The following FAM117B variants were observed in gnomAD, a reference collection of about 807,000 sequenced individuals.
FAM117B encodes protein FAM117B.
A neutral mutation model predicts 52.8 loss-of-function variants in FAM117B; 22 were observed. The observed-to-expected ratio is 0.42, with a 90% CI of 0.30 to 0.59. The LOEUF is 0.59. FAM117B is among the 20% of genes least tolerant of loss of function. FAM117B has a pLI of 0.22. For synonymous variants in FAM117B, 309 were observed against 324.1 expected (o/e 0.95, Z 0.50); for missense variants, 678 against 802.6 (o/e 0.84, Z 1.88).
intron 2 of FAM117B, among the ~76,000 whole-genome samples, chr2:202,708,097 A>T (rs766230521): frequency 2.0e-5 from 3 of 152,080 alleles, no homozygotes; most frequent in Non-Finnish European, 4.4e-5. Context: ...GTCAGAAGAG[A>T]TCTACTCTCA....
At chr2:202,664,875 A>C (rs1690179324) in intron 1 of FAM117B, among the ~76,000 whole-genome samples, 1 of 152,174 alleles carries the variant, frequency 6.6e-6, no homozygotes, top group Non-Finnish European at 1.5e-5. Flanking sequence ...ATAGCAGCTT[A>C]AAACAATATC....
chr2:202,697,170 C>A (rs1405948153), intron 2 of FAM117B, among the ~76,000 whole-genome samples: 1 of 152,176 alleles, frequency 6.6e-6, no homozygotes, highest in South Asian at 2.1e-4. Flanking sequence ...TTGAAGACTG[C>A]ATCTTAGTTT....
chr2:202,711,159 A>G (rs1276597357), intron 2 of FAM117B, among the ~76,000 whole-genome samples: 1 of 152,114 alleles, frequency 6.6e-6, no homozygotes, highest in Non-Finnish European at 1.5e-5. Flanking sequence ...TGGTAGTACT[A>G]ATTTACATTC....
intron 1 of FAM117B, among the ~76,000 whole-genome samples, chr2:202,671,792 G>A (rs1690302761): frequency 6.6e-6 from 1 of 152,184 alleles, no homozygotes; most frequent in African/African-American, 2.4e-5. Context: ...GCATTAGGGT[G>A]GTTACCACTG....
rs1156717333 is a variant in FAM117B at position 202,635,021 on chromosome 2, A to G, written c.-167A>G. ...CGGCGGCGGCGGCGGCGGCGGCTGC[A>G]CCACCTCGTTGCTGCCTGCCCCGGC... is the stretch of plus-strand genomic sequence containing the variant. On this transcript the variant is annotated 5_prime_UTR_variant, in exon 1 of 8. Transcript: ENST00000392238. Among the ~76,000 whole-genome samples the G allele has an allele frequency of 1.3e-5, 2 of 150,224 alleles. No homozygotes were observed. The highest frequency in any genetic ancestry group is 2.0e-4 in the East Asian group (1 of 5,028).
chr2:202,687,230 T>TA (rs1690554867), intron 1 of FAM117B, among the ~76,000 whole-genome samples: 2 of 152,174 alleles, frequency 1.3e-5, no homozygotes, highest in African/African-American at 4.8e-5. Flanking sequence ...TGACACCTTT[T>TA]AAAAAAGCAA....
chr2:202,665,172 C>G (rs981706871), intron 1 of FAM117B, among the ~76,000 whole-genome samples: 5 of 151,726 alleles, frequency 3.3e-5, no homozygotes, highest in African/African-American at 1.2e-4. Flanking sequence ...ATGACCCTCT[C>G]AATTTTCTTT....
chr2:202,699,852 C>G (rs1023284048), intron 2 of FAM117B, among the ~76,000 whole-genome samples: 28 of 152,072 alleles, frequency 1.8e-4, no homozygotes, highest in African/African-American at 6.8e-4. Flanking sequence ...GTGCCATTTT[C>G]CAAAAATGTG....
At position 202,769,568 on chromosome 2, in the gene FAM117B, A is replaced by G. The variant is rs963919768; in HGVS notation, c.*3804A>G. 6 of 152,594 alleles carry G rather than the reference A, an allele frequency of 3.9e-5. No individual in the cohort carries two copies. The highest frequency in any genetic ancestry group is 1.4e-4 in the African/African-American group (6 of 41,420). 9.5% of individuals were successfully genotyped at this position (152,594 alleles called of 1,614,324 possible). Reference sequence around the variant, plus strand: ...ACTCTTCATTTTTTGTCTCTGTGGAAGCTGTGTAACTCTTTTTAAAATGCA... The same window carrying G: ...ACTCTTCATTTTTTGTCTCTGTGGAGGCTGTGTAACTCTTTTTAAAATGCA... On this transcript the variant is annotated 3_prime_UTR_variant, in exon 8 of 8. Coordinates refer to ENST00000392238, the MANE Select transcript of FAM117B (RefSeq NM_173511.4).
chr2:202,674,378 C>A (rs1180014432), intron 1 of FAM117B, among the ~76,000 whole-genome samples: 2 of 152,172 alleles, frequency 1.3e-5, no homozygotes, highest in African/African-American at 4.8e-5. Context: ...CTCATAATAA[C>A]CCTGTTACCA....
intron 3 of FAM117B, chr2:202,725,216 T>C (rs1691222624): frequency 8.1e-6 from 3 of 368,640 alleles, no homozygotes; most frequent in Non-Finnish European, 1.5e-5. Flanking sequence ...ATTATGTATG[T>C]TTGTCTTTTT....
intron 2 of FAM117B, among the ~76,000 whole-genome samples, chr2:202,714,717 G>A (rs1037550512): frequency 1.6e-4 from 24 of 151,954 alleles, no homozygotes; most frequent in African/African-American, 5.8e-4. Context: ...CTTGAGATTA[G>A]GGAGTGGTGA....
At chr2:202,683,901 C>G (rs904224800) in intron 1 of FAM117B, among the ~76,000 whole-genome samples, 8 of 151,854 alleles carry the variant, frequency 5.3e-5, no homozygotes, top group African/African-American at 1.9e-4. Context: ...GGGTCTTGCT[C>G]TGTCACCCAG....
intron 1 of FAM117B, among the ~76,000 whole-genome samples, chr2:202,667,495 C>T (rs781444642): frequency 1.3e-4 from 19 of 151,948 alleles, no homozygotes; most frequent in Non-Finnish European, 2.4e-4. Flanking sequence ...TGTGTGCGTG[C>T]GCGCGCATGT....
intron 4 of FAM117B, among the ~76,000 whole-genome samples, chr2:202,754,307 T>C (rs1490171509): frequency 1.3e-5 from 2 of 151,998 alleles, no homozygotes; most frequent in Non-Finnish European, 2.9e-5. Context: ...TTCTCACTCA[T>C]AAGTGGGAGT....
chr2:202,659,076 G>T (rs1415731625), intron 1 of FAM117B, among the ~76,000 whole-genome samples: 1 of 151,544 alleles, frequency 6.6e-6, no homozygotes, highest in Non-Finnish European at 1.5e-5. Context: ...GCATGTTCTG[G>T]CTCACTGCAA....
chr2:202,659,172 A>G (rs1259511990), intron 1 of FAM117B, among the ~76,000 whole-genome samples: 1 of 151,368 alleles, frequency 6.6e-6, no homozygotes, highest in Non-Finnish European at 1.5e-5. Context: ...CACCCAGCTA[A>G]TTTTTGTATT....
At chr2:202,731,919 G>A (rs1029305040) in intron 4 of FAM117B, among the ~76,000 whole-genome samples, 13 of 151,714 alleles carry the variant, frequency 8.6e-5, no homozygotes, top group African/African-American at 3.2e-4. Context: ...ATTTTCAGTA[G>A]AGACGGGGTT....
At chr2:202,685,907 T>G (rs542737399) in intron 1 of FAM117B, among the ~76,000 whole-genome samples, 1 of 152,280 alleles carries the variant, frequency 6.6e-6, no homozygotes, top group Non-Finnish European at 1.5e-5. Flanking sequence ...GCATGAACTA[T>G]TAACAGAAGT....
Sources: gnomAD v4.1 joint callset for allele counts (sites outside exome capture counted in the v4.1 genomes callset) on GRCh38, gnomAD v4.1.1 for gene constraint, MANE v1.5 for transcripts, NCBI Gene and HGNC (gene_info 2026-07-23, HGNC 2026-07-21) for gene names.